RABL3: variants seen among roughly 807,000 people sequenced by gnomAD.
RABL3 encodes the protein RAB, member of RAS oncogene family like 3, also known as rab-like protein 3.
In RABL3, 31 loss-of-function variants were observed where a neutral mutation model predicts 31.8. That is an observed-to-expected ratio of 0.97 (90% CI 0.73 to 1.31). The LOEUF is 1.31. Ranked by LOEUF, RABL3 falls within the 40% of genes most tolerant of loss-of-function variation. RABL3 has a pLI of 0.00. For synonymous variants in RABL3, 97 were observed against 99.9 expected, an observed-to-expected ratio of 0.97 and a Z score of 0.18; for missense variants, 263 against 279.6, an observed-to-expected ratio of 0.94 and a Z score of 0.42.
intron 5 of RABL3, among the ~76,000 whole-genome samples, chr3:120,694,948 T>A (rs1327043769): frequency 6.6e-6 from 1 of 151,488 alleles, no homozygotes; most frequent in African/African-American, 2.4e-5. Flanking sequence ...TCCGCTGGAA[T>A]TCCAGTCTAG....
chr3:120,719,198 T>C (rs1279928179), intron 2 of RABL3, among the ~76,000 whole-genome samples: 1 of 152,126 alleles, frequency 6.6e-6, no homozygotes, highest in Non-Finnish European at 1.5e-5. Flanking sequence ...AAATTGACCA[T>C]AAAACTGGAC....
At chr3:120,704,155 C>G (rs570819194) in intron 4 of RABL3, among the ~76,000 whole-genome samples, 1 of 152,232 alleles carries the variant, frequency 6.6e-6, no homozygotes, top group Non-Finnish European at 1.5e-5. Flanking sequence ...AAATCCTCAA[C>G]AAAATATTAG....
At chr3:120,733,638 T>G (rs1381283726) in intron 1 of RABL3, among the ~76,000 whole-genome samples, 1 of 152,226 alleles carries the variant, frequency 6.6e-6, no homozygotes, top group Non-Finnish European at 1.5e-5. Flanking sequence ...CCCATGCCTA[T>G]GTCCGGAATG....
At chr3:120,710,961 T>A (rs1010163437) in intron 2 of RABL3, among the ~76,000 whole-genome samples, 1 of 152,166 alleles carries the variant, frequency 6.6e-6, no homozygotes, top group Non-Finnish European at 1.5e-5. Flanking sequence ...AACTATTCCT[T>A]GTCAAGGTCA....
intron 4 of RABL3, among the ~76,000 whole-genome samples, chr3:120,702,251 AGAC>A (rs1708500321): frequency 1.3e-5 from 2 of 152,306 alleles, no homozygotes; most frequent in Admixed American, 1.3e-4. Flanking sequence ...GTTTCATGGC[AGAC>A]AATTTTTCCA....
chr3:120,693,012 C>T (rs1444992020), intron 6 of RABL3, among the ~76,000 whole-genome samples: 2 of 152,074 alleles, frequency 1.3e-5, no homozygotes, highest in African/African-American at 2.4e-5. Context: ...CAGTGCTGCA[C>T]AACATTTTTC....
intron 4 of RABL3, 94 bp downstream of exon 4, chr3:120,705,906 T>G (rs1708542265): frequency 2.5e-6 from 2 of 786,960 alleles, no homozygotes. Flanking sequence ...GAAAGAAAAA[T>G]CTTTGCAAAT....
chr3:120,734,100 G>C (rs1186771659), intron 1 of RABL3, among the ~76,000 whole-genome samples: 1 of 152,184 alleles, frequency 6.6e-6, no homozygotes, highest in East Asian at 1.9e-4. Context: ...TTGGTAGCTT[G>C]ATGGGGATGG....
In RABL3 at chr3:120,711,046, G is replaced by A. The variant is rs1199944653; in HGVS notation, c.139-1137C>T. On this transcript the variant is annotated intron_variant, in intron 2 of 7. Coordinates refer to ENST00000273375, the MANE Select transcript of RABL3 (RefSeq NM_173825.5). ...TTTACTCCACCATTTGATCCACCTC[G>A]TGTCTTGCAACATTTTTCACCTGGC... Among the ~76,000 whole-genome samples the A allele has an allele frequency of 2.6e-5, 4 of 151,946 alleles. No homozygotes were observed. In the South Asian group the frequency reaches 8.3e-4, roughly 32 times the overall value.
At chr3:120,726,997 A>G (rs1249548481) in intron 2 of RABL3, among the ~76,000 whole-genome samples, 1 of 152,086 alleles carries the variant, frequency 6.6e-6, no homozygotes, top group African/African-American at 2.4e-5. Flanking sequence ...TGAACTGAAT[A>G]ATAATGAAAA....
At chr3:120,722,193 G>A (rs1708751364) in intron 2 of RABL3, 1 of 152,040 alleles carries the variant, frequency 6.6e-6, no homozygotes, top group African/African-American at 2.4e-5. Flanking sequence ...TTCATAACCT[G>A]AGAGGCCTTT....
At position 120,686,566 on chromosome 3, in the gene RABL3, A is replaced by G. The variant is rs191166959; in HGVS notation, c.*3257T>C. 4.6e-5 allele frequency: 7 copies of G among 152,338 alleles called. No individual in the cohort carries two copies. Among genetic ancestry groups the G allele is most frequent in the Non-Finnish European group, 7.3e-5 (5 of 68,038 alleles). The allele number at this position is 152,338 out of a possible 1,614,324, so 9.4% of individuals were successfully genotyped here. The stretch of plus-strand genomic sequence containing the variant: ...AATTCTAAGAACCCGAGCTAAAGCT[A>G]ATATGGATCAACTCTTTTGGGAATA... On this transcript the variant is annotated 3_prime_UTR_variant, in exon 8 of 8. Transcript: ENST00000273375.
intron 2 of RABL3, among the ~76,000 whole-genome samples, chr3:120,724,989 A>G (rs1708799793): frequency 6.6e-6 from 1 of 152,134 alleles, no homozygotes; most frequent in Admixed American, 6.5e-5. Context: ...ACAGCAAAAG[A>G]AACTACCATC....
At chr3:120,721,093 T>A (rs549180742) in intron 2 of RABL3, among the ~76,000 whole-genome samples, 1 of 152,306 alleles carries the variant, frequency 6.6e-6, no homozygotes, top group African/African-American at 2.4e-5. Flanking sequence ...CTAAGCTTCA[T>A]AAGCGAAGGA....
intron 3 of RABL3, among the ~76,000 whole-genome samples, chr3:120,707,223 T>C (rs1708559495): frequency 6.6e-6 from 1 of 152,182 alleles, no homozygotes; most frequent in African/African-American, 2.4e-5. Flanking sequence ...TATAGCTGAC[T>C]TGTTCCAGCC....
At chr3:120,717,854 T>C (rs1305004685) in intron 2 of RABL3, among the ~76,000 whole-genome samples, 1 of 152,212 alleles carries the variant, frequency 6.6e-6, no homozygotes, top group Non-Finnish European at 1.5e-5. Flanking sequence ...AATCTCATGT[T>C]GGCCTGCTCT....
At chr3:120,732,185 A>G (rs186384104) in intron 1 of RABL3, among the ~76,000 whole-genome samples, 16 of 152,390 alleles carry the variant, frequency 1.0e-4, no homozygotes, top group Admixed American at 8.5e-4. Context: ...ATAAAACAAC[A>G]TAAGCGTCTG....
rs753126633 is a variant in RABL3, at chr3:120,709,799, T to C, written c.249A>G (p.Val83=). Residue 83 remains valine, a synonymous_variant, in exon 3 of 8, where the codon GTA becomes GTG. Coordinates refer to ENST00000273375, the MANE Select transcript of RABL3 (RefSeq NM_173825.5). The part of the protein sequence containing the change: ...SASSVKSTRA[V]FYNSVNGIIF... ...TTTTACCATTTACGGAGTTGTAGAA[T>C]ACTGCTCTTGTGCTTTTCACGCTGC... The C allele has an allele frequency of 5.6e-6, 9 of 1,611,866 alleles. No homozygotes were observed. Among genetic ancestry groups the C allele is most frequent in the Admixed American group, 1.7e-5 (1 of 59,844 alleles).
intron 1 of RABL3, among the ~76,000 whole-genome samples, chr3:120,732,831 C>A (rs996576381): frequency 2.0e-5 from 3 of 151,464 alleles, no homozygotes; most frequent in African/African-American, 4.9e-5. Flanking sequence ...TTTGTCCTTG[C>A]GATAGTTTGC....
Sources: allele counts gnomAD v4.1 joint callset (sites outside exome capture counted in the v4.1 genomes callset), GRCh38; gene constraint gnomAD v4.1.1; transcripts MANE v1.5; gene names NCBI Gene and HGNC (gene_info 2026-07-23, HGNC 2026-07-21).